LGALS8: variants seen among roughly 807,000 people sequenced by gnomAD.
The protein encoded by LGALS8 is galectin-8.
A neutral mutation model predicts 35.9 loss-of-function variants in LGALS8; 30 were observed. The observed-to-expected ratio is 0.83, with a 90% CI of 0.62 to 1.13. The LOEUF (loss-of-function observed/expected upper bound fraction) is 1.13, where lower values mean the gene tolerates loss of function less well. Ranked by LOEUF, LGALS8 falls within the 50% of genes most tolerant of loss-of-function variation. The pLI, the probability that LGALS8 is intolerant of heterozygous loss-of-function variation, is 0.00. For missense variants in LGALS8, 366 were observed against 388.7 expected, an observed-to-expected ratio of 0.94 and a Z score of 0.49; for synonymous variants, 138 against 136.1, an observed-to-expected ratio of 1.01 and a Z score of -0.10.
chr1:236,544,099 C>G (rs972224940), intron 8 of LGALS8, among the ~76,000 whole-genome samples: 3 of 152,048 alleles, frequency 2.0e-5, no homozygotes, highest in Non-Finnish European at 4.4e-5. Flanking sequence ...GGCGCACCAC[C>G]ACGCCCAGCT....
At chr1:236,532,370 T>G (rs1160687550) in intron 2 of LGALS8, among the ~76,000 whole-genome samples, 1 of 152,196 alleles carries the variant, frequency 6.6e-6, no homozygotes, top group Non-Finnish European at 1.5e-5. Context: ...CTTTTCGATT[T>G]CTTTATCTAC....
rs752471097 is a variant in LGALS8, at chr1:236,550,989, A to G, written c.*2828A>G. The stretch of plus-strand genomic sequence containing the variant: ...ACTGATGTTCTACTTCTTCACATTC[A>G]TCTAAAAAAAAAAAAAAAAAATCAA... On this transcript the variant is annotated 3_prime_UTR_variant, in exon 10 of 10. Transcript: ENST00000366584. The G allele has an allele frequency of 1.4e-6, 2 of 1,418,416 alleles. No homozygotes were observed. Among genetic ancestry groups the G allele is most frequent in the South Asian group, 1.3e-5 (1 of 77,442 alleles). 87.9% of individuals were successfully genotyped at this position (1,418,416 alleles called of 1,614,324 possible). A position where few individuals can be genotyped will look rare whatever the true frequency, so the allele number is the denominator to read the frequency against.
At position 236,539,018 on chromosome 1, in the gene LGALS8, A is replaced by C; in HGVS notation, c.274A>C (p.Thr92Pro). 2.5e-6 allele frequency: 4 copies of C among 1,614,162 alleles called. No homozygotes were observed. Among genetic ancestry groups the C allele is most frequent in the Non-Finnish European group, 3.4e-6 (4 of 1,180,014 alleles). The part of the protein sequence containing the change: ...INEKWGREEI[T>P]YDTPFKREKS... ...TGAAAAATGGGGACGGGAAGAGATCACCTATGACACGCCTTTCAAAAGAGA... is the reference window on the plus strand; with the variant it reads ...TGAAAAATGGGGACGGGAAGAGATCCCCTATGACACGCCTTTCAAAAGAGA... The change falls in exon 4 of 10, where the codon ACC (threonine) becomes CCC (proline). Residue 92 changes from threonine to proline, a missense_variant. Thr to Pro is a conservative substitution (Grantham distance 38). Transcript: ENST00000366584.
At chr1:236,528,838 T>C (rs1660979475) in intron 2 of LGALS8, among the ~76,000 whole-genome samples, 1 of 152,212 alleles carries the variant, frequency 6.6e-6, no homozygotes, top group African/African-American at 2.4e-5. Context: ...AATATTTTGG[T>C]CCACATTGGT....
At chr1:236,542,390 G>A (rs1031442642) in intron 6 of LGALS8, 4 of 247,132 alleles carry the variant, frequency 1.6e-5, no homozygotes, top group Non-Finnish European at 3.1e-5. Flanking sequence ...TGAAGTAGGC[G>A]GATGACTTGA....
intron 5 of LGALS8, 174 bp from the exon 6 acceptor site, chr1:236,541,480 T>C (rs2103098168): frequency 2.0e-6 from 1 of 495,552 alleles, no homozygotes; most frequent in South Asian, 3.6e-5. Flanking sequence ...TTCTCTGTAA[T>C]GTTTGCCAAT....
At chr1:236,539,987 C>T (rs1302703235) in intron 4 of LGALS8, 8 of 129,356 alleles carry the variant, frequency 6.2e-5, no homozygotes, top group African/African-American at 2.2e-4. Flanking sequence ...GAGGAGGAGC[C>T]TCGTAGCGTG....
chr1:236,539,226 T>C, intron 4 of LGALS8, 137 bp downstream of exon 4: 1 of 706,248 alleles, frequency 1.4e-6, no homozygotes, highest in Non-Finnish European at 2.4e-6. Flanking sequence ...TTTTTCTCCA[T>C]AAAAGGACCA....
rs760672777 is a variant in LGALS8, at chr1:236,552,086, T to C, written c.*3925T>C. Reference sequence around the variant, plus strand: ...AGTTTTTCAGCCAGTGCTAACACAGTAATCAAAGCAGCAAATCGAACCTGA... The same window carrying C: ...AGTTTTTCAGCCAGTGCTAACACAGCAATCAAAGCAGCAAATCGAACCTGA... On this transcript the variant is annotated 3_prime_UTR_variant, in exon 10 of 10. Transcript: ENST00000366584. 3.1e-6 allele frequency: 5 copies of C among 1,612,024 alleles called. No individual in the cohort carries two copies. The South Asian group carries it at 5.5e-5, about 18-fold the overall frequency.
At chr1:236,542,398 T>G in intron 6 of LGALS8, 1 of 261,866 alleles carries the variant, frequency 3.8e-6, no homozygotes, top group Non-Finnish European at 7.2e-6. Context: ...GCGGATGACT[T>G]GAGCCCAGGA....
intron 2 of LGALS8, among the ~76,000 whole-genome samples, chr1:236,527,240 G>T (rs1165123865): frequency 1.3e-5 from 2 of 152,192 alleles, no homozygotes; most frequent in Non-Finnish European, 2.9e-5. Flanking sequence ...ACACAGAAAA[G>T]AAGATAATTT....
rs181165128 is a variant in LGALS8 at position 236,524,331 on chromosome 1, T to A, written c.-104+270T>A. ...GCGGCCTTTCTTGGACATCCCTGGC[T>A]GGGGTCAGGCTGTTTGCCCTGGGGT... is the stretch of plus-strand genomic sequence containing the variant. On this transcript the variant is annotated intron_variant, in intron 1 of 9. Coordinates refer to ENST00000366584, the MANE Select transcript of LGALS8 (RefSeq NM_201544.4). The A allele has an allele frequency of 2.5e-3, 1,163 of 456,146 alleles. 14 individuals carry two copies. The highest frequency in any genetic ancestry group is 0.021 in the African/African-American group (1,040 of 50,184). The allele number at this position is 456,146 out of a possible 1,614,324, so 28.3% of individuals were successfully genotyped here.
rs367618061 is a variant in LGALS8, at chr1:236,552,074, G to A, written c.*3913G>A. 1.9e-4 allele frequency: 301 copies of A among 1,613,144 alleles called. 1 individual carries two copies. The highest frequency in any genetic ancestry group is 8.2e-5 in the Non-Finnish European group (97 of 1,179,632). On this transcript the variant is annotated 3_prime_UTR_variant, in exon 10 of 10. Transcript: ENST00000366584. ...TAATTCTCCTTTAGTTTTTCAGCCA[G>A]TGCTAACACAGTAATCAAAGCAGCA...
chr1:236,539,553 G>A (rs142577634), intron 4 of LGALS8, among the ~76,000 whole-genome samples: 94 of 152,306 alleles, frequency 6.2e-4, no homozygotes, highest in African/African-American at 1.8e-3. Flanking sequence ...CTTGATGTCA[G>A]TTCCATCTCT....
chr1:236,544,974 A>AT (rs1662273683), intron 9 of LGALS8, 59 bp downstream of exon 9: 3 of 1,337,704 alleles, frequency 2.2e-6, no homozygotes, highest in Non-Finnish European at 3.1e-6. Flanking sequence ...CAGGGGTGGG[A>AT]TAAGTGGTCC....
At chr1:236,523,179 T>C (rs761833656), upstream of LGALS8, 2 of 152,162 alleles carry the variant, frequency 1.3e-5, no homozygotes, top group Non-Finnish European at 2.9e-5. Context: ...AAGTCGGGTA[T>C]TTAAGAGCAT....
intron 2 of LGALS8, chr1:236,536,250 C>T (rs1430580050): frequency 6.6e-6 from 1 of 152,066 alleles, no homozygotes; most frequent in African/African-American, 2.4e-5. Flanking sequence ...CCATGCACAT[C>T]GTAATTTGAG....
intron 2 of LGALS8, among the ~76,000 whole-genome samples, chr1:236,529,664 T>A (rs1054103299): frequency 2.8e-5 from 4 of 142,490 alleles, no homozygotes; most frequent in African/African-American, 8.1e-5. Flanking sequence ...TTTTTTTTTT[T>A]AAGAGATGGA....
intron 2 of LGALS8, among the ~76,000 whole-genome samples, chr1:236,529,149 T>C (rs1661000651): frequency 1.3e-5 from 2 of 152,068 alleles, no homozygotes; most frequent in Non-Finnish European, 2.9e-5. Flanking sequence ...TTGTGGCGCA[T>C]GTCTGTAGTC....
Sources: gnomAD v4.1 joint callset for allele counts (sites outside exome capture counted in the v4.1 genomes callset) on GRCh38, gnomAD v4.1.1 for gene constraint, MANE v1.5 for transcripts, NCBI Gene and HGNC (gene_info 2026-07-23, HGNC 2026-07-21) for gene names.